The following GLRA2 variants were observed in gnomAD, a reference collection of about 807,000 sequenced individuals.
The protein encoded by GLRA2 is glycine receptor subunit alpha-2.
A neutral mutation model predicts 31.6 loss-of-function variants in GLRA2; 11 were observed. That is an observed-to-expected ratio of 0.35 (90% CI 0.22 to 0.58). The LOEUF (loss-of-function observed/expected upper bound fraction) is 0.58. GLRA2 is among the 20% of genes least tolerant of loss of function. GLRA2 has a pLI of 0.84. For synonymous variants in GLRA2, 132 were observed against 134.0 expected, an observed-to-expected ratio of 0.99 and a Z score of 0.10; for missense variants, 212 against 351.8, an observed-to-expected ratio of 0.60 and a Z score of 3.18.
intron 7 of GLRA2, among the ~76,000 whole-genome samples, chrX:14,619,421 C>T (rs2090490857): frequency 9.0e-6 from 1 of 110,784 alleles, no homozygotes; most frequent in South Asian, 3.8e-4. Flanking sequence ...CTCTTGATCT[C>T]ATATCCCACT....
intron 7 of GLRA2, among the ~76,000 whole-genome samples, chrX:14,626,545 C>T (rs767636943): frequency 2.7e-5 from 3 of 111,793 alleles, no homozygotes; most frequent in Non-Finnish European, 5.7e-5. Flanking sequence ...GCACATTCCT[C>T]CTCAGCACAC....
chrX:14,527,429 A>T (rs903517979), upstream of GLRA2, among the ~76,000 whole-genome samples: 7 of 111,378 alleles, frequency 6.3e-5, no homozygotes, highest in Non-Finnish European at 3.8e-5. Flanking sequence ...ATTCTGGCCA[A>T]CATGGTGAAA....
At chrX:14,662,307 A>G (rs942694670) in intron 7 of GLRA2, among the ~76,000 whole-genome samples, 5 of 111,969 alleles carry the variant, frequency 4.5e-5, no homozygotes, top group Non-Finnish European at 9.4e-5. Context: ...AAAATTCATG[A>G]TCAACAAGGC....
the GLRA2 span, among the ~76,000 whole-genome samples, chrX:14,469,862 AC>A: frequency 9.0e-6 from 1 of 110,813 alleles, no homozygotes; most frequent in Non-Finnish European, 1.9e-5. Flanking sequence ...TTAAAAAAAA[AC>A]AAAGCTAATA....
intron 7 of GLRA2, among the ~76,000 whole-genome samples, chrX:14,615,720 C>A (rs1017197377): frequency 9.0e-6 from 1 of 111,223 alleles, no homozygotes; most frequent in African/African-American, 3.3e-5. Context: ...TTGGGCTACA[C>A]TTTTAAAATA....
intron 4 of GLRA2, among the ~76,000 whole-genome samples, chrX:14,589,194 A>G (rs1386739046): frequency 2.7e-5 from 3 of 110,969 alleles, no homozygotes; most frequent in Non-Finnish European, 3.8e-5. Flanking sequence ...GCCATCCAGT[A>G]TAACGTTGAC....
intron 5 of GLRA2, among the ~76,000 whole-genome samples, chrX:14,604,719 T>C (rs1339095709): frequency 2.7e-5 from 3 of 110,252 alleles, no homozygotes; most frequent in Non-Finnish European, 5.7e-5. Context: ...AATGAAAATG[T>C]CTCCTGAGAA....
chrX:14,655,482 G>A (rs1012173874), intron 7 of GLRA2, among the ~76,000 whole-genome samples: 1 of 111,198 alleles, frequency 9.0e-6, no homozygotes, highest in African/African-American at 3.3e-5. Context: ...CTGTAGACTT[G>A]GAAAGGTTAT....
chrX:14,458,388 G>T, the GLRA2 span, among the ~76,000 whole-genome samples: 1 of 111,916 alleles, frequency 8.9e-6, no homozygotes, highest in Non-Finnish European at 1.9e-5. Flanking sequence ...TATATACCCA[G>T]TAATGGGATG....
chrX:14,608,952 A>G (rs906667799), intron 6 of GLRA2, 39 bp from the exon 7 acceptor site: 4 of 662,922 alleles, frequency 6.0e-6, no homozygotes, highest in Admixed American at 2.4e-5. Context: ...GGAAATATAA[A>G]TTCAGGCTGG....
intron 7 of GLRA2, among the ~76,000 whole-genome samples, chrX:14,634,242 C>G (rs2090684803): frequency 1.8e-5 from 2 of 112,181 alleles, no homozygotes; most frequent in African/African-American, 6.5e-5. Context: ...AGCCACCACA[C>G]CTGGCCTCAA....
At chrX:14,454,119 A>C in the GLRA2 span, among the ~76,000 whole-genome samples, 1 of 109,169 alleles carries the variant, frequency 9.2e-6, no homozygotes, top group East Asian at 2.9e-4. Flanking sequence ...AGTGATGGAT[A>C]CAAAAGCCTA....
chrX:14,594,066 T>C (rs1757423394), intron 4 of GLRA2, among the ~76,000 whole-genome samples: 1 of 112,032 alleles, frequency 8.9e-6, no homozygotes, highest in Non-Finnish European at 1.9e-5. Context: ...CCATTCTCTC[T>C]CCAAACTTTG....
At chrX:14,563,090 A>G (rs191208278) in intron 2 of GLRA2, among the ~76,000 whole-genome samples, 1 of 112,832 alleles carries the variant, frequency 8.9e-6, no homozygotes, top group African/African-American at 3.2e-5. Context: ...TCGACCATGC[A>G]TATGGCAAAT....
At chrX:14,692,989 A>G (rs2091383298) in intron 8 of GLRA2, among the ~76,000 whole-genome samples, 1 of 110,871 alleles carries the variant, frequency 9.0e-6, no homozygotes, top group East Asian at 2.8e-4. Flanking sequence ...ACATGTATAC[A>G]TATGTAACTA....
the GLRA2 span, among the ~76,000 whole-genome samples, chrX:14,471,120 T>C: frequency 8.9e-6 from 1 of 112,037 alleles, no homozygotes; most frequent in African/African-American, 3.2e-5. Context: ...CTAAGAACTT[T>C]TATTTTTAAT....
At chrX:14,523,873 G>A in the GLRA2 span, among the ~76,000 whole-genome samples, 1 of 111,889 alleles carries the variant, frequency 8.9e-6, no homozygotes, top group African/African-American at 3.2e-5. Flanking sequence ...AAGTTTGAAA[G>A]ATTGTGAGAA....
chrX:14,517,695 T>C, the GLRA2 span, among the ~76,000 whole-genome samples: 12 of 111,542 alleles, frequency 1.1e-4, no homozygotes, highest in East Asian at 3.4e-3. Flanking sequence ...AGCCAAACCA[T>C]ATCAAAGATC....
chrX:14,460,135 TG>T, the GLRA2 span, among the ~76,000 whole-genome samples: 2 of 112,135 alleles, frequency 1.8e-5, no homozygotes, highest in South Asian at 3.7e-4. Flanking sequence ...GATAATCATG[TG>T]GTTTTTGTCA....
Sources: allele counts gnomAD v4.1 joint callset (sites outside exome capture counted in the v4.1 genomes callset), GRCh38; gene constraint gnomAD v4.1.1; transcripts MANE v1.5; gene names NCBI Gene and HGNC (gene_info 2026-07-23, HGNC 2026-07-21).